CPED1: variants seen among roughly 807,000 people sequenced by gnomAD.
CPED1 encodes the protein cadherin like and PC-esterase domain containing 1.
CPED1 carries 114 observed loss-of-function variants against 128.2 expected under a neutral mutation model. The observed-to-expected ratio is 0.89, with a 90% CI of 0.76 to 1.04. The LOEUF is 1.04. CPED1 is among the 50% of genes least tolerant of loss of function. CPED1 has a pLI of 0.00. For missense variants in CPED1, 1,211 were observed against 1,207.1 expected, an observed-to-expected ratio of 1.00 and a Z score of -0.05; for synonymous variants, 462 against 426.7, an observed-to-expected ratio of 1.08 and a Z score of -1.02.
chr7:121,289,863 T>C (rs1792656961), intron 22 of CPED1, among the ~76,000 whole-genome samples: 1 of 152,216 alleles, frequency 6.6e-6, no homozygotes, highest in Non-Finnish European at 1.5e-5. Flanking sequence ...ACATGCAGGT[T>C]TGTTACATAG....
At chr7:121,139,272 A>AT (rs1169127623) in intron 14 of CPED1, among the ~76,000 whole-genome samples, 3 of 152,000 alleles carry the variant, frequency 2.0e-5, no homozygotes, top group Non-Finnish European at 2.9e-5. Flanking sequence ...TTTTATTAAG[A>AT]TTTTTTATGA....
intron 17 of CPED1, among the ~76,000 whole-genome samples, chr7:121,240,764 T>TAAAAAAAAAAA (rs1402168223): frequency 1.9e-3 from 1 of 528 alleles, no homozygotes; most frequent in African/African-American, 3.8e-3. Context: ...GCCTCTTCTG[T>TAAAAAAAAAAA]TAAAAAAAAA....
intron 16 of CPED1, among the ~76,000 whole-genome samples, chr7:121,204,639 A>G (rs1797476252): frequency 1.3e-5 from 2 of 152,106 alleles, no homozygotes. Flanking sequence ...CCAATGATCC[A>G]AAAAGGAGAG....
At chr7:121,185,164 A>G (rs1278292091) in intron 16 of CPED1, among the ~76,000 whole-genome samples, 1 of 152,122 alleles carries the variant, frequency 6.6e-6, no homozygotes, top group East Asian at 1.9e-4. Flanking sequence ...CCAGGTTAAT[A>G]GCATCAGTTC....
chr7:121,167,936 T>C (rs1796570869), intron 16 of CPED1, among the ~76,000 whole-genome samples: 1 of 152,010 alleles, frequency 6.6e-6, no homozygotes, highest in African/African-American at 2.4e-5. Flanking sequence ...GGTTTCACCG[T>C]GTTAGCCAGG....
intron 11 of CPED1, 93 bp downstream of exon 11, chr7:121,128,579 G>T: frequency 1.4e-6 from 1 of 696,310 alleles, no homozygotes; most frequent in South Asian, 1.8e-5. Context: ...ACTAGATTAA[G>T]TATTTCTTTA....
At chr7:121,133,967 T>C (rs1396984955) in intron 13 of CPED1, 74 bp downstream of exon 13, 26 of 756,648 alleles carry the variant, frequency 3.4e-5, no homozygotes, top group Admixed American at 1.9e-4. Flanking sequence ...CAAAACTATT[T>C]AGCTTCATTA....
At chr7:121,042,928 A>G (rs1239381963) in intron 3 of CPED1, among the ~76,000 whole-genome samples, 1 of 152,208 alleles carries the variant, frequency 6.6e-6, no homozygotes, top group Non-Finnish European at 1.5e-5. Context: ...TGCAAGGAGA[A>G]CCTAAGAAGT....
chr7:121,139,070 T>C (rs1584540824), intron 14 of CPED1, among the ~76,000 whole-genome samples: 1 of 152,188 alleles, frequency 6.6e-6, no homozygotes, highest in South Asian at 2.1e-4. Context: ...GCCTTCATTC[T>C]TTTTTCTTTT....
At chr7:121,023,194 C>G (rs1284206624) in intron 3 of CPED1, among the ~76,000 whole-genome samples, 1 of 152,084 alleles carries the variant, frequency 6.6e-6, no homozygotes, top group Non-Finnish European at 1.5e-5. Context: ...AGAACTGTAG[C>G]AGGAATGAGA....
chr7:121,258,989 C>G (rs1156855098), intron 18 of CPED1, among the ~76,000 whole-genome samples: 11 of 152,122 alleles, frequency 7.2e-5, no homozygotes, highest in Admixed American at 7.2e-4. Flanking sequence ...GGAATTTGGC[C>G]AGGGCATTGA....
intron 2 of CPED1, among the ~76,000 whole-genome samples, chr7:120,996,135 A>G (rs1796400215): frequency 6.6e-6 from 1 of 151,992 alleles, no homozygotes; most frequent in Non-Finnish European, 1.5e-5. Context: ...AAAAAAAATT[A>G]GCTGGGATTG....
chr7:121,015,899 A>T, intron 3 of CPED1, 51 bp downstream of exon 3: 1 of 1,278,526 alleles, frequency 7.8e-7, no homozygotes, highest in South Asian at 2.9e-5. Context: ...ATAATGTTGA[A>T]CAATTTCTAG....
intron 7 of CPED1, among the ~76,000 whole-genome samples, chr7:121,122,043 T>A (rs538706535): frequency 6.6e-6 from 1 of 152,148 alleles, no homozygotes; most frequent in Non-Finnish European, 1.5e-5. Context: ...AAAATTCATA[T>A]GAAGCACTCG....
chr7:121,056,639 TCTC>T (rs1055576190), intron 4 of CPED1, among the ~76,000 whole-genome samples: 10 of 152,348 alleles, frequency 6.6e-5, no homozygotes, highest in Non-Finnish European at 1.2e-4. Context: ...AGTTTTCAAA[TCTC>T]CTCTGGGATA....
intron 14 of CPED1, among the ~76,000 whole-genome samples, chr7:121,138,789 A>G (rs1450332032): frequency 3.9e-5 from 6 of 152,048 alleles, no homozygotes; most frequent in Admixed American, 3.9e-4. Context: ...GACTGTTTCT[A>G]TTCCCTTTGT....
intron 16 of CPED1, among the ~76,000 whole-genome samples, chr7:121,232,257 G>A (rs1798157154): frequency 6.6e-6 from 1 of 152,114 alleles, no homozygotes; most frequent in Non-Finnish European, 1.5e-5. Flanking sequence ...TGGGTTTTGG[G>A]GAAGGTGAGG....
intron 4 of CPED1, among the ~76,000 whole-genome samples, chr7:121,054,235 A>G (rs1243385737): frequency 6.6e-6 from 1 of 152,160 alleles, no homozygotes; most frequent in Non-Finnish European, 1.5e-5. Flanking sequence ...GTCTGCCTCT[A>G]TATGTACATA....
At chr7:121,131,502 T>G (rs1795663956) in intron 12 of CPED1, among the ~76,000 whole-genome samples, 1 of 151,852 alleles carries the variant, frequency 6.6e-6, no homozygotes, top group African/African-American at 2.4e-5. Context: ...GTTTTTTTTT[T>G]TTTTTTTTAA....
Sources: gnomAD v4.1 joint callset for allele counts (sites outside exome capture counted in the v4.1 genomes callset) on GRCh38, gnomAD v4.1.1 for gene constraint, MANE v1.5 for transcripts, NCBI Gene and HGNC (gene_info 2026-07-23, HGNC 2026-07-21) for gene names.